Variants in PRKD3 observed in about 807,000 individuals in gnomAD.
PRKD3 encodes serine/threonine-protein kinase D3.
Under a neutral mutation model 99.2 loss-of-function variants are expected in PRKD3, and 47 were observed. The observed-to-expected ratio is 0.47, with a 90% confidence interval of 0.38 to 0.60. PRKD3 has a LOEUF of 0.60. Ranked by LOEUF, PRKD3 falls within the 20% of genes least tolerant of loss-of-function variation. The probability of loss-of-function intolerance (pLI) is 0.00; values close to 1 mark genes in which losing one functional copy is unlikely to be tolerated. For synonymous variants in PRKD3, 392 were observed against 355.4 expected (o/e 1.10, Z -1.16); for missense variants, 1,019 against 1,088.4 (o/e 0.94, Z 0.90).
chr2:37,274,005 C>T (rs747599965), intron 11 of PRKD3, among the ~76,000 whole-genome samples: 6 of 152,188 alleles, frequency 3.9e-5, no homozygotes, highest in Non-Finnish European at 7.3e-5. Flanking sequence ...TTATATCCCA[C>T]TATAAAGCAA....
chr2:37,260,866 G>A (rs1291031050), intron 14 of PRKD3, among the ~76,000 whole-genome samples: 1 of 151,650 alleles, frequency 6.6e-6, no homozygotes, highest in African/African-American at 2.4e-5. Context: ...CTTTTTTTAG[G>A]CTCAACATCT....
At chr2:37,258,662 C>G (rs1294036183) in intron 16 of PRKD3, among the ~76,000 whole-genome samples, 1 of 152,194 alleles carries the variant, frequency 6.6e-6, no homozygotes, top group Non-Finnish European at 1.5e-5. Context: ...CACCAACTAT[C>G]AGGCAACCCT....
chr2:37,314,607 T>C (rs1671578200), intron 2 of PRKD3, among the ~76,000 whole-genome samples: 1 of 152,172 alleles, frequency 6.6e-6, no homozygotes, highest in African/African-American at 2.4e-5. Context: ...TTAATAAATA[T>C]ATACAATTTT....
intron 5 of PRKD3, among the ~76,000 whole-genome samples, chr2:37,288,771 A>T (rs188610608): frequency 2.0e-5 from 3 of 152,286 alleles, no homozygotes; most frequent in Non-Finnish European, 4.4e-5. Flanking sequence ...CTGTATACAG[A>T]TCTGCAGATA....
intron 15 of PRKD3, 27 bp from the exon 16 acceptor site, chr2:37,259,708 AAT>A: frequency 6.6e-7 from 1 of 1,511,592 alleles, no homozygotes. Context: ...TTTTCTTTTC[AAT>A]GTCTGGAAAA....
At chr2:37,300,214 T>C (rs1572687402) in intron 2 of PRKD3, among the ~76,000 whole-genome samples, 1 of 152,114 alleles carries the variant, frequency 6.6e-6, no homozygotes, top group African/African-American at 2.4e-5. Flanking sequence ...TCCTATAATT[T>C]GCAACAACAT....
chr2:37,300,849 A>G (rs578048471), intron 2 of PRKD3, among the ~76,000 whole-genome samples: 2 of 152,316 alleles, frequency 1.3e-5, no homozygotes, highest in East Asian at 3.9e-4. Context: ...GAAAACGCAT[A>G]TTTGAAATTT....
chr2:37,267,458 T>A lies in PRKD3; in HGVS notation c.1856A>T (p.Gln619Leu). 2 of 1,608,778 alleles carry A rather than the reference T, an allele frequency of 1.2e-6. No homozygotes were observed. The highest frequency in any genetic ancestry group is 1.7e-6 in the Non-Finnish European group (2 of 1,176,408). Reference protein sequence around the residue: ...KMRFPTKQESQLRNEVAILQN... With the variant: ...KMRFPTKQESLLRNEVAILQN... ...TAAAATAGCCACTTCATTACGGAGT[T>A]GACTTTCTTGTTTTGTGGGGAATCT... Residue 619 changes from glutamine (Q) to leucine (L), a missense_variant, in exon 14 of 19, where the codon CAA becomes CTA. This residue lies in a region of PRKD3 where 184 missense variants were observed against 275.1 expected (regional missense o/e 0.67). Transcript: ENST00000234179.
At chr2:37,298,957 T>A (rs1353099580) in intron 2 of PRKD3, among the ~76,000 whole-genome samples, 1 of 152,024 alleles carries the variant, frequency 6.6e-6, no homozygotes, top group Non-Finnish European at 1.5e-5. Flanking sequence ...ACTTCCAGTA[T>A]TATGTTGAAC....
intron 8 of PRKD3, 93 bp downstream of exon 8, chr2:37,279,653 T>C: frequency 8.1e-6 from 7 of 861,732 alleles, no homozygotes; most frequent in Non-Finnish European, 1.2e-5. Flanking sequence ...AAATTACTTT[T>C]AAGGTCCCAC....
chr2:37,287,621 G>C (rs1024042476), intron 5 of PRKD3, among the ~76,000 whole-genome samples: 5 of 152,160 alleles, frequency 3.3e-5, no homozygotes, highest in Admixed American at 3.3e-4. Flanking sequence ...TGGGTATTAG[G>C]ATTTTGTGCT....
intron 7 of PRKD3, among the ~76,000 whole-genome samples, chr2:37,280,299 C>T (rs1423634937): frequency 6.6e-6 from 1 of 152,124 alleles, no homozygotes; most frequent in East Asian, 1.9e-4. Context: ...CCCACTTCGG[C>T]CTCCCAAAGT....
intron 2 of PRKD3, among the ~76,000 whole-genome samples, chr2:37,296,688 G>C (rs1332966024): frequency 2.6e-5 from 4 of 151,914 alleles, no homozygotes; most frequent in Admixed American, 6.6e-5. Flanking sequence ...AGGAGGTCAA[G>C]AGATCAAGAC....
intron 13 of PRKD3, chr2:37,269,207 A>C: frequency 5.2e-6 from 1 of 192,106 alleles, no homozygotes; most frequent in Admixed American, 5.4e-5. Context: ...TTTCAGGTTC[A>C]GGTTTTCAGA....
intron 2 of PRKD3, among the ~76,000 whole-genome samples, chr2:37,296,301 T>G (rs1670671122): frequency 6.6e-6 from 1 of 152,020 alleles, no homozygotes; most frequent in South Asian, 2.1e-4. Flanking sequence ...AATAAACACA[T>G]GGCCTAATGA....
At chr2:37,296,181 A>T (rs981894766) in intron 2 of PRKD3, among the ~76,000 whole-genome samples, 1 of 152,220 alleles carries the variant, frequency 6.6e-6, no homozygotes, top group Non-Finnish European at 1.5e-5. Flanking sequence ...ACCAAACCAG[A>T]AGTTCTGAAT....
chr2:37,295,348 G>C (rs888270349), intron 2 of PRKD3, among the ~76,000 whole-genome samples: 1 of 152,158 alleles, frequency 6.6e-6, no homozygotes, highest in Admixed American at 6.5e-5. Flanking sequence ...GGAGTAGAGG[G>C]ATTCAGTATG....
chr2:37,267,846 G>T, intron 13 of PRKD3: 1 of 268,732 alleles, frequency 3.7e-6, no homozygotes, highest in Non-Finnish European at 7.0e-6. Flanking sequence ...GTCCTTCAGA[G>T]ACTCTGTCAA....
chr2:37,312,731 A>G (rs550826402), intron 2 of PRKD3, among the ~76,000 whole-genome samples: 1 of 152,304 alleles, frequency 6.6e-6, no homozygotes, highest in African/African-American at 2.4e-5. Context: ...TGTGAGTACA[A>G]TGTTAATGAA....
Sources: allele counts gnomAD v4.1 joint callset (sites outside exome capture counted in the v4.1 genomes callset), GRCh38; gene constraint gnomAD v4.1.1; regional missense constraint gnomAD v4.1.1; transcripts MANE v1.5; gene names NCBI Gene and HGNC (gene_info 2026-07-23, HGNC 2026-07-21).